Variants in EVL observed in about 807,000 individuals in gnomAD.
EVL encodes ena/VASP-like protein.
A neutral mutation model predicts 59.6 loss-of-function variants in EVL; 21 were observed. The observed-to-expected ratio is 0.35, with a 90% CI of 0.25 to 0.51. EVL has a LOEUF of 0.51. Among genes scored for constraint, EVL ranks in the 20% least tolerant of loss-of-function variants. The pLI, the probability that EVL is intolerant of heterozygous loss-of-function variation, is 0.97. For synonymous variants in EVL, 198 were observed against 203.5 expected, an observed-to-expected ratio of 0.97 and a Z score of 0.23; for missense variants, 462 against 546.6, an observed-to-expected ratio of 0.85 and a Z score of 1.54.
intron 1 of EVL, among the ~76,000 whole-genome samples, chr14:100,019,871 G>T (rs916405421): frequency 1.3e-5 from 2 of 152,198 alleles, no homozygotes; most frequent in Non-Finnish European, 2.9e-5. Context: ...GGTCAGGGGT[G>T]TTTACTGTGT....
rs1887225566 is a variant in EVL at position 100,114,782 on chromosome 14, C to G, written c.359-8757C>G. ...CTCCTCATGGGCCTCTCCTTTCACT[C>G]CCACCTGCTCCGGGGGTGGGGGTGG... On this transcript the variant is annotated intron_variant, in intron 3 of 13. Coordinates refer to ENST00000392920, the MANE Select transcript of EVL (RefSeq NM_016337.3). The surrounding 1 kb of genome is among the most constrained non-coding windows in gnomAD (Gnocchi z 5.0). 1.3e-5 allele frequency among the ~76,000 whole-genome samples: 2 copies of G among 152,162 alleles called. No homozygotes were observed. Among genetic ancestry groups the G allele is most frequent in the South Asian group, 4.1e-4 (2 of 4,828 alleles).
intron 5 of EVL, 114 bp downstream of exon 5, chr14:100,126,885 C>G: frequency 1.0e-6 from 1 of 985,956 alleles, no homozygotes; most frequent in Non-Finnish European, 1.5e-6. Flanking sequence ...TATGGGGAGC[C>G]TAGGTCTCAA....
rs1271344516 is a variant in EVL at position 100,141,182 on chromosome 14, T to C, written c.1097T>C (p.Met366Thr). Residue 366 changes from methionine (M) to threonine (T), a missense_variant and splice_region_variant, in exon 12 of 14, where the codon ATG becomes ACG. Physicochemically the swap from Met to Thr is moderately conservative, Grantham distance 81. Transcript: ENST00000392920. ...CCCACAGGCCCTTTCTCTCCCAGGA[T>C]GAAGCCTGCTGGGAGCGTGAATGAC... ...SPLQSQPHSR[M>T]KPAGSVNDMA... 1 of 1,613,736 alleles carries C rather than the reference T, an allele frequency of 6.2e-7. No homozygotes were observed. The highest frequency in any genetic ancestry group is 8.5e-7 in the Non-Finnish European group (1 of 1,179,918).
At chr14:100,067,165 A>T (rs552145135) in intron 1 of EVL, among the ~76,000 whole-genome samples, 2 of 152,232 alleles carry the variant, frequency 1.3e-5, no homozygotes, top group Non-Finnish European at 2.9e-5. Flanking sequence ...GCCTGGCACC[A>T]TAGTGACAGT....
intron 3 of EVL, chr14:100,107,037 T>A: frequency 2.5e-6 from 1 of 398,672 alleles, no homozygotes; most frequent in Non-Finnish European, 4.4e-6. Context: ...GCAAGTCACC[T>A]CCTCCATCAG....
chr14:100,128,584 CCA>C lies in EVL; in HGVS notation c.555_556del (p.Pro186AlafsTer111). On this transcript the variant is annotated frameshift_variant, in exon 6 of 14. Coordinates refer to ENST00000392920, the MANE Select transcript of EVL (RefSeq NM_016337.3). LOFTEE classifies it high-confidence loss of function. ...CGCCCCCGTCTCATGTAGTGGGCCTCCACCGCCCCCCCCACCCCCAGTCCCAC... is the reference window on the plus strand; with the variant it reads ...CGCCCCCGTCTCATGTAGTGGGCCTCCCGCCCCCCCCACCCCCAGTCCCAC... ...ASAPVSCSGP[P>X]PPPPPPVPPP... 1 of 1,553,454 alleles carries C rather than the reference CCA, an allele frequency of 6.4e-7. No individual in the cohort carries two copies. The highest frequency in any genetic ancestry group is 8.8e-7 in the Non-Finnish European group (1 of 1,132,388).
At position 100,123,346 on chromosome 14, in the gene EVL, A is replaced by T. The variant is rs536119897; in HGVS notation, c.359-193A>T. On this transcript the variant is annotated intron_variant, in intron 3 of 13. Transcript: ENST00000392920. ...TATTGGTTCAGAATGAAGAGCCGTG[A>T]GAGAGAGAGGGTGATTGAGAGAGGA... 4.2e-4 allele frequency among the ~76,000 whole-genome samples: 64 copies of T among 152,182 alleles called. 1 individual carries two copies. The highest frequency in any genetic ancestry group is 1.5e-3 in the African/African-American group (61 of 41,538).
At chr14:100,000,877 A>G (rs2060942131) in intron 1 of EVL, among the ~76,000 whole-genome samples, 1 of 152,206 alleles carries the variant, frequency 6.6e-6, no homozygotes, top group African/African-American at 2.4e-5. Context: ...AAAGCATTTT[A>G]GAAGAAAATG....
chr14:100,095,945 C>G (rs1012646149), intron 2 of EVL, among the ~76,000 whole-genome samples: 10 of 152,096 alleles, frequency 6.6e-5, no homozygotes, highest in African/African-American at 2.4e-4. Flanking sequence ...CCAGGCTGAT[C>G]TTGAACTTCT....
rs978760972 is a variant in EVL at position 100,114,760 on chromosome 14, C to T, written c.359-8779C>T. 6.6e-6 allele frequency among the ~76,000 whole-genome samples: 1 copy of T among 152,176 alleles called. No homozygotes were observed. The highest frequency in any genetic ancestry group is 1.5e-5 in the Non-Finnish European group (1 of 68,038). ...GAGCCCCTCTCTCTCCTCCCTGCTCCTCATGGGCCTCTCCTTTCACTCCCA... is the reference window on the plus strand; with the variant it reads ...GAGCCCCTCTCTCTCCTCCCTGCTCTTCATGGGCCTCTCCTTTCACTCCCA... On this transcript the variant is annotated intron_variant, in intron 3 of 13. Coordinates refer to ENST00000392920, the MANE Select transcript of EVL (RefSeq NM_016337.3). The surrounding 1 kb of genome is among the most constrained non-coding windows in gnomAD (Gnocchi z 5.0).
intron 3 of EVL, among the ~76,000 whole-genome samples, chr14:100,113,418 A>G (rs1422889631): frequency 6.6e-6 from 1 of 152,158 alleles, no homozygotes; most frequent in African/African-American, 2.4e-5. Flanking sequence ...GGTAGTGAGC[A>G]CTCAGCGGTG....
At position 100,047,304 on chromosome 14, in the gene EVL, A is replaced by C. The variant is rs76270998; in HGVS notation, c.6-37383A>C. 9.4e-3 allele frequency among the ~76,000 whole-genome samples: 1,434 copies of C among 151,782 alleles called. 17 individuals are homozygous for C. The highest frequency in any genetic ancestry group is 0.032 in the African/African-American group (1,346 of 41,426). Reference sequence around the variant, plus strand: ...ACCATTGGCTAGATGGCCAATGGCAAACCAAAATAGTTTTCCTGTAGCTTC... The same window carrying C: ...ACCATTGGCTAGATGGCCAATGGCACACCAAAATAGTTTTCCTGTAGCTTC... On this transcript the variant is annotated intron_variant, in intron 1 of 13. Coordinates refer to the EVL transcript ENST00000402714.
intron 1 of EVL, among the ~76,000 whole-genome samples, chr14:99,997,126 T>C (rs2060918916): frequency 6.6e-6 from 1 of 151,006 alleles, no homozygotes. Flanking sequence ...ATGTAGACCT[T>C]CAGTTTGTGT....
At chr14:100,018,974 A>C (rs2061075839) in intron 1 of EVL, among the ~76,000 whole-genome samples, 1 of 152,210 alleles carries the variant, frequency 6.6e-6, no homozygotes, top group Non-Finnish European at 1.5e-5. Flanking sequence ...ATACTCGATA[A>C]ATGAATAATC....
At chr14:99,975,551 G>A (rs560237139) in intron 1 of EVL, among the ~76,000 whole-genome samples, 1 of 152,168 alleles carries the variant, frequency 6.6e-6, no homozygotes, top group Non-Finnish European at 1.5e-5. Flanking sequence ...TTTTTCCTTG[G>A]GGGGTTAGGG....
intron 3 of EVL, 109 bp from the exon 4 acceptor site, chr14:100,123,430 A>T (rs1237176318): frequency 1.9e-6 from 2 of 1,026,914 alleles, no homozygotes; most frequent in Non-Finnish European, 2.9e-6. Flanking sequence ...ATTCTTAAGG[A>T]TGTCTCTTCT....
intron 1 of EVL, among the ~76,000 whole-genome samples, chr14:100,046,919 AT>A (rs1184045593): frequency 1.3e-5 from 2 of 150,092 alleles, no homozygotes; most frequent in African/African-American, 2.4e-5. Flanking sequence ...CGCCCAGCTA[AT>A]TTTTTTGTAT....
chr14:100,030,694 C>T (rs1472269966), intron 1 of EVL, among the ~76,000 whole-genome samples: 1 of 152,168 alleles, frequency 6.6e-6, no homozygotes, highest in Non-Finnish European at 1.5e-5. Flanking sequence ...TGGATCTTGG[C>T]TTGGTTTGCA....
intron 1 of EVL, among the ~76,000 whole-genome samples, chr14:100,034,146 G>A (rs2061353741): frequency 6.7e-6 from 1 of 149,238 alleles, no homozygotes; most frequent in African/African-American, 2.5e-5. Context: ...CGAGGCATGA[G>A]AATTGCTTGA....
Sources: allele counts gnomAD v4.1 joint callset (sites outside exome capture counted in the v4.1 genomes callset), GRCh38; gene constraint gnomAD v4.1.1; non-coding constraint Gnocchi (gnomAD v3.1); transcripts MANE v1.5; gene names NCBI Gene and HGNC (gene_info 2026-07-23, HGNC 2026-07-21).